FTO: variants seen among roughly 807,000 people sequenced by gnomAD.
FTO encodes the protein alpha-ketoglutarate-dependent dioxygenase FTO.
In FTO, 47 loss-of-function variants were observed where a neutral mutation model predicts 63.9. The ratio of observed to expected loss-of-function variants is 0.74; its 90% CI spans 0.58 to 0.94. FTO has a LOEUF of 0.94. Among genes scored for constraint, FTO ranks in the 40% least tolerant of loss-of-function variants. The pLI is 0.00. For missense variants in FTO, 562 were observed against 618.1 expected (o/e 0.91, Z 0.96); for synonymous variants, 207 against 224.4 (o/e 0.92, Z 0.69).
chr16:53,724,364 C>T (rs972968452), intron 1 of FTO, among the ~76,000 whole-genome samples: 8 of 152,220 alleles, frequency 5.3e-5, no homozygotes, highest in Non-Finnish European at 7.3e-5. Context: ...TGTTGGTCTA[C>T]ACCAGTGCTG....
chr16:53,760,231 TGTGTGTGTGTGTGTGTGTGTGTGTGTG>T lies in FTO; in HGVS notation c.46-49908_46-49882del, dbSNP rs1204995050. 4.1e-3 allele frequency among the ~76,000 whole-genome samples: 126 copies of T among 30,820 alleles called. 4 individuals are homozygous for T. Among genetic ancestry groups the T allele is most frequent in the African/African-American group, 9.6e-3 (65 of 6,736 alleles). 20.2% of individuals were successfully genotyped at this position (30,820 alleles called of 152,430 possible). ...GTGTGTGTGTGTGTGTGTGTGTGTG[TGTGTGTGTGTGTGTGTGTGTGTGTGTG>T]TGTTTTTTGGAGACAGGGTCTCACT... On this transcript the variant is annotated intron_variant, in intron 1 of 8. Coordinates refer to ENST00000471389, the MANE Select transcript of FTO (RefSeq NM_001080432.3).
At chr16:53,927,042 C>A (rs759449926) in intron 7 of FTO, among the ~76,000 whole-genome samples, 9 of 152,056 alleles carry the variant, frequency 5.9e-5, no homozygotes, top group Non-Finnish European at 1.3e-4. Flanking sequence ...ATAGGTGATG[C>A]TGAATTATTT....
intron 8 of FTO, among the ~76,000 whole-genome samples, chr16:54,073,599 TTC>T (rs150379576): frequency 6.7e-6 from 1 of 149,276 alleles, no homozygotes. Context: ...GCTCTCTCTC[TTC>T]TCTCTCTCTC....
At chr16:53,906,520 A>T (rs1284956541) in intron 7 of FTO, among the ~76,000 whole-genome samples, 1 of 152,178 alleles carries the variant, frequency 6.6e-6, no homozygotes, top group Non-Finnish European at 1.5e-5. Flanking sequence ...ATTCTTATGT[A>T]AGGTGGAAGA....
At chr16:53,807,499 C>T (rs575968128) in intron 1 of FTO, among the ~76,000 whole-genome samples, 43 of 152,286 alleles carry the variant, frequency 2.8e-4, no homozygotes, top group African/African-American at 9.1e-4. Context: ...ACTTGTCGAC[C>T]TATGGGACAG....
At chr16:53,925,069 TAAAA>T (rs763272865) in intron 7 of FTO, among the ~76,000 whole-genome samples, 15 of 123,508 alleles carry the variant, frequency 1.2e-4, no homozygotes, top group African/African-American at 4.4e-4. Flanking sequence ...CTTTTTTTTG[TAAAA>T]AAAAAAAAAA....
intron 7 of FTO, among the ~76,000 whole-genome samples, chr16:53,918,224 T>G (rs1005079062): frequency 6.6e-6 from 1 of 152,160 alleles, no homozygotes; most frequent in East Asian, 1.9e-4. Flanking sequence ...TTAGGTGATG[T>G]TGTTGTTGTG....
At chr16:53,911,326 C>A (rs117088391) in intron 7 of FTO, 10 of 700,420 alleles carry the variant, frequency 1.4e-5, no homozygotes, top group Admixed American at 1.2e-4. Context: ...GTCAGTGGAA[C>A]AGCCAGAGAT....
chr16:53,889,427 G>T (rs2081092327), intron 7 of FTO, among the ~76,000 whole-genome samples: 1 of 152,214 alleles, frequency 6.6e-6, no homozygotes, highest in Non-Finnish European at 1.5e-5. Flanking sequence ...ACTCAGGCAG[G>T]CTGGCTCCAC....
chr16:53,947,632 C>T (rs1024169389), intron 8 of FTO, among the ~76,000 whole-genome samples: 11 of 152,074 alleles, frequency 7.2e-5, no homozygotes, highest in African/African-American at 2.2e-4. Context: ...CGAATGTACT[C>T]GAAAATTGCC....
At chr16:53,894,642 G>GTGTA (rs1331226721) in intron 7 of FTO, among the ~76,000 whole-genome samples, 1 of 151,750 alleles carries the variant, frequency 6.6e-6, no homozygotes, top group African/African-American at 2.4e-5. Flanking sequence ...TTGTGTGTGT[G>GTGTA]TGTGTGTATA....
intron 6 of FTO, among the ~76,000 whole-genome samples, chr16:53,882,601 A>G (rs1429005101): frequency 6.6e-6 from 1 of 152,110 alleles, no homozygotes; most frequent in Non-Finnish European, 1.5e-5. Context: ...GAGTGAAGGG[A>G]GTAAGGCTGC....
chr16:54,058,927 G>A (rs2085506153), intron 8 of FTO, among the ~76,000 whole-genome samples: 1 of 152,210 alleles, frequency 6.6e-6, no homozygotes, highest in Non-Finnish European at 1.5e-5. Context: ...CTGCATAAAA[G>A]ATGGACTTGT....
At chr16:53,788,534 T>G (rs182161165) in intron 1 of FTO, among the ~76,000 whole-genome samples, 160 of 137,672 alleles carry the variant, frequency 1.2e-3, no homozygotes, top group African/African-American at 4.3e-3. Flanking sequence ...ACCCGGGAGG[T>G]GGAAATTGCA....
intron 3 of FTO, among the ~76,000 whole-genome samples, chr16:53,828,596 C>T (rs376953071): frequency 5.3e-5 from 8 of 152,308 alleles, no homozygotes; most frequent in African/African-American, 1.2e-4. Flanking sequence ...GCACCTACTA[C>T]GTGCTACATG....
chr16:53,992,561 A>G (rs567977978), intron 8 of FTO: 2 of 152,106 alleles, frequency 1.3e-5, no homozygotes, highest in Non-Finnish European at 2.9e-5. Context: ...CTGAAAAGTC[A>G]TTTCCATATT....
At chr16:53,826,569 G>T in intron 3 of FTO, 78 bp downstream of exon 3, 1 of 1,301,858 alleles carries the variant, frequency 7.7e-7, no homozygotes, top group Non-Finnish European at 1.1e-6. Context: ...AGATACACAC[G>T]CATATACATG....
intron 7 of FTO, among the ~76,000 whole-genome samples, chr16:53,913,873 G>A (rs1341109830): frequency 6.6e-6 from 1 of 152,076 alleles, no homozygotes; most frequent in Non-Finnish European, 1.5e-5. Flanking sequence ...CAGCTACCCA[G>A]GAGGCTGAGG....
rs1459406395 is a variant in FTO at position 53,765,515 on chromosome 16, C to A, written c.46-44625C>A. Among the ~76,000 whole-genome samples, 3 of 150,292 alleles carry A rather than the reference C, an allele frequency of 2.0e-5. No homozygotes were observed. The East Asian group carries it at 5.9e-4, about 29-fold the overall frequency. ...GGTTGCAGTGAGCCGAGAGATCACG[C>A]CATTGCACTCCAGCCTGGGCAACAA... On this transcript the variant is annotated intron_variant, in intron 1 of 8. Coordinates refer to ENST00000471389, the MANE Select transcript of FTO (RefSeq NM_001080432.3).
Sources: gnomAD v4.1 joint callset for allele counts (sites outside exome capture counted in the v4.1 genomes callset) on GRCh38, gnomAD v4.1.1 for gene constraint, MANE v1.5 for transcripts, NCBI Gene and HGNC (gene_info 2026-07-23, HGNC 2026-07-21) for gene names.